The following PLCG1 variants were observed in gnomAD, a reference collection of about 807,000 sequenced individuals.
PLCG1 encodes the protein phospholipase C gamma 1.
In PLCG1, 71 loss-of-function variants were observed where a neutral mutation model predicts 177.8. That is an observed-to-expected ratio of 0.40 (90% CI 0.33 to 0.49). The LOEUF (loss-of-function observed/expected upper bound fraction) is 0.49, where lower values mean the gene tolerates loss of function less well. Ranked by LOEUF, PLCG1 falls within the 20% of genes least tolerant of loss-of-function variation. The pLI is 0.72. For missense variants in PLCG1, 1,281 were observed against 1,709.0 expected (o/e 0.75, Z 4.42); for synonymous variants, 658 against 647.9 (o/e 1.02, Z -0.24).
At chr20:41,161,345 C>G (rs781296422) in intron 4 of PLCG1, among the ~76,000 whole-genome samples, 1 of 152,176 alleles carries the variant, frequency 6.6e-6, no homozygotes, top group Non-Finnish European at 1.5e-5. Flanking sequence ...AGCAAGATGA[C>G]TCTTGCAAGG....
chr20:41,153,290 T>G lies in PLCG1; in HGVS notation c.218-6316T>G, dbSNP rs2035220592. 6.6e-6 allele frequency among the ~76,000 whole-genome samples: 1 copy of G among 152,174 alleles called. No homozygotes were observed. The highest frequency in any genetic ancestry group is 2.4e-5 in the African/African-American group (1 of 41,438). ...GGGTTTTGTGTTTTTGTTTTGTGTT[T>G]TTAGAGAAAGGATCTCGCTTTGTTG... On this transcript the variant is annotated intron_variant, in intron 1 of 31. Coordinates refer to ENST00000685551, the MANE Select transcript of PLCG1 (RefSeq NM_002660.3). This position sits in a 1 kb window ranked among gnomAD's most constrained non-coding sequence, Gnocchi z 5.1.
In PLCG1 at chr20:41,165,107, G is replaced by C. The variant is rs6016521; in HGVS notation, c.1386+6G>C. On this transcript the variant is annotated splice_donor_region_variant and intron_variant, in intron 13 of 31. Transcript: ENST00000685551. The surrounding 1 kb of genome is among the most constrained non-coding windows in gnomAD (Gnocchi z 6.6). ...AGAGGAAGATCCTCATCAAGGTGGG[G>C]TGGCGGGCTTATTGCGGAAGCCCCA... is the stretch of plus-strand genomic sequence containing the variant. 2,357 of 1,610,874 alleles carry C rather than the reference G, an allele frequency of 1.5e-3. 24 individuals carry two copies. In the African/African-American group the frequency reaches 0.028, roughly 19 times the overall value.
rs774606137 is a variant in PLCG1 at position 41,170,334 on chromosome 20, G to A, written c.2808+65G>A. On this transcript the variant is annotated intron_variant, in intron 24 of 31. Transcript: ENST00000685551. ...GCCCGTCAGGCAGCTGAGGCCTCCA[G>A]CTCCCAGCACAGGCCCCCTCAGAGC... is the stretch of plus-strand genomic sequence containing the variant. 3 of 1,578,896 alleles carry A rather than the reference G, an allele frequency of 1.9e-6. No individual in the cohort carries two copies. In the African/African-American group the frequency reaches 4.0e-5, roughly 21 times the overall value.
chr20:41,166,528 G>A lies in PLCG1; in HGVS notation c.2053G>A (p.Val685Ile), dbSNP rs369565813. Residue 685 changes from valine to isoleucine, a missense_variant, in exon 18 of 32, where the codon GTC becomes ATC. Physicochemically the swap from Val to Ile is conservative, Grantham distance 29. Transcript: ENST00000685551. The surrounding 1 kb of genome is among the most constrained non-coding windows in gnomAD (Gnocchi z 8.6). ...RAQAEHMLMR[V>I]PRDGAFLVRK... ...ACAGGCTGAGCACATGCTAATGCGC[G>A]TCCCTCGTGATGGGGCCTTCCTGGT... 15 of 1,614,052 alleles carry A rather than the reference G, an allele frequency of 9.3e-6. No homozygotes were observed. The highest frequency in any genetic ancestry group is 4.0e-5 in the African/African-American group (3 of 74,942).
At chr20:41,170,457 T>G in intron 24 of PLCG1, 188 bp downstream of exon 24, 2 of 614,530 alleles carry the variant, frequency 3.3e-6, no homozygotes, top group Non-Finnish European at 5.7e-6. Flanking sequence ...GTGGTGTGTT[T>G]AGGTTGTGTT....
Position 41,162,724 on chromosome 20 carries a change from C to T in PLCG1, c.680C>T (p.Thr227Met), listed in dbSNP as rs141297485. 1.9e-5 allele frequency: 30 copies of T among 1,610,392 alleles called. No individual in the cohort carries two copies. The highest frequency in any genetic ancestry group is 4.4e-5 in the South Asian group (4 of 90,658). ...YRSLMYSAQK[T>M]MDLPFLEAST... ...AGCCTCATGTACAGCGCCCAGAAGA[C>T]GGTGCATGAGCCACCTGCCCTCCCT... The change falls in exon 6 of 32, where the codon ACG becomes ATG. Residue 227 changes from threonine to methionine, a missense_variant and splice_region_variant. Thr to Met is a moderately conservative substitution (Grantham distance 81, BLOSUM62 -1). This residue lies in a region of PLCG1 where 374 missense variants were observed against 443.8 expected (regional missense o/e 0.84). Transcript: ENST00000685551.
At position 41,172,968 on chromosome 20, in the gene PLCG1, T is replaced by G; in HGVS notation, c.3279+91T>G. The G allele has an allele frequency of 2.1e-6, 3 of 1,405,664 alleles. No individual in the cohort carries two copies. Among genetic ancestry groups the G allele is most frequent in the Non-Finnish European group, 2.9e-6 (3 of 1,034,060 alleles). The allele number at this position is 1,405,664 out of a possible 1,614,324, so 87.1% of individuals were successfully genotyped here. On this transcript the variant is annotated intron_variant, in intron 27 of 31. Transcript: ENST00000685551. This position sits in a 1 kb window ranked among gnomAD's most constrained non-coding sequence, Gnocchi z 7.0. ...TTGAGTTCTCCAAAAGTAGGTATTT[T>G]CAGGCATCAAGGTGGTCAGGGTGGG... is the stretch of plus-strand genomic sequence containing the variant.
chr20:41,166,288 C>T lies in PLCG1; in HGVS notation c.1894C>T (p.Leu632Phe), dbSNP rs1399017059. The change falls in exon 17 of 32, where the codon CTC becomes TTC. Residue 632 changes from leucine (L) to phenylalanine (F), a missense_variant. Physicochemically the swap from Leu to Phe is conservative, Grantham distance 22 (BLOSUM62 0). This residue lies in a region of PLCG1 where 723 missense variants were observed against 1,030.0 expected (regional missense o/e 0.70). Coordinates refer to ENST00000685551, the MANE Select transcript of PLCG1 (RefSeq NM_002660.3). This position sits in a 1 kb window ranked among gnomAD's most constrained non-coding sequence, Gnocchi z 8.6. ...FLTDNLVFDS[L>F]YDLITHYQQV... The stretch of plus-strand genomic sequence containing the variant: ...GACAGACAACCTCGTCTTTGACTCC[C>T]TCTATGACCTCATCACGCACTACCA... The T allele has an allele frequency of 1.2e-6, 2 of 1,614,220 alleles. No individual in the cohort carries two copies. The highest frequency in any genetic ancestry group is 1.7e-6 in the Non-Finnish European group (2 of 1,180,040).
intron 1 of PLCG1, among the ~76,000 whole-genome samples, chr20:41,141,515 G>T (rs1260640837): frequency 6.6e-6 from 1 of 152,236 alleles, no homozygotes; most frequent in South Asian, 2.1e-4. Context: ...GGCCTGCTCC[G>T]AGGGCTAGGC....
Position 41,160,009 on chromosome 20 carries a change from CA to C in PLCG1, c.464+47del, listed in dbSNP as rs746979576. The C allele has an allele frequency of 6.3e-7, 1 of 1,596,914 alleles. No individual in the cohort carries two copies. Among genetic ancestry groups the C allele is most frequent in the South Asian group, 1.1e-5 (1 of 90,740 alleles). On this transcript the variant is annotated intron_variant, in intron 3 of 31. Transcript: ENST00000685551. This position sits in a 1 kb window ranked among gnomAD's most constrained non-coding sequence, Gnocchi z 5.5. ...GGTTAGGGCTGGGAGCATTAGGGAC[CA>C]GGGGGACAGGGACAGCAGACCTTTG...
intron 4 of PLCG1, 118 bp from the exon 5 acceptor site, chr20:41,162,326 TGCCCTCAG>T: frequency 3.2e-6 from 2 of 627,972 alleles, no homozygotes; most frequent in Non-Finnish European, 2.9e-6. Context: ...GATCCAGTCT[TGCCCTCAG>T]GCCTCCAGGT....
rs2036054411 is a variant in PLCG1 at position 41,175,955 on chromosome 20, G to A, written c.*1446G>A. On this transcript the variant is annotated 3_prime_UTR_variant, in exon 32 of 32. Transcript: ENST00000685551. ...GTCTGAGCAGAGTACATCCTGCCTG[G>A]GTTCTTTGTGGCCAGCCAGTTTTGG... 6.6e-6 allele frequency: 1 copy of A among 152,194 alleles called. No homozygotes were observed. Among genetic ancestry groups the A allele is most frequent in the Non-Finnish European group, 1.5e-5 (1 of 68,042 alleles). The allele number at this position is 152,194 out of a possible 1,614,324, so 9.4% of individuals were successfully genotyped here.
chr20:41,171,837 G>A (rs372831911), intron 24 of PLCG1, among the ~76,000 whole-genome samples: 2 of 152,168 alleles, frequency 1.3e-5, no homozygotes, highest in South Asian at 2.1e-4. Context: ...ACCCCAGCAT[G>A]AGGCTGGGTA....
At position 41,176,137 on chromosome 20, in the gene PLCG1, G is replaced by C. The variant is rs1208663963; in HGVS notation, c.*1628G>C. 1 of 152,186 alleles carries C rather than the reference G, an allele frequency of 6.6e-6. No individual in the cohort carries two copies. The highest frequency in any genetic ancestry group is 1.5e-5 in the Non-Finnish European group (1 of 68,034). The allele number at this position is 152,186 out of a possible 1,614,324, so 9.4% of individuals were successfully genotyped here. A position where few individuals can be genotyped will look rare whatever the true frequency, so the allele number is the denominator to read the frequency against. On this transcript the variant is annotated 3_prime_UTR_variant, in exon 32 of 32. Coordinates refer to ENST00000685551, the MANE Select transcript of PLCG1 (RefSeq NM_002660.3). ...CTGGGCCCTTTCAACACAGTTGAAA[G>C]GCCCTTCTCTTCCTGAAGCTCTGTT...
chr20:41,140,018 C>T (rs769908468), intron 1 of PLCG1, among the ~76,000 whole-genome samples: 2 of 152,058 alleles, frequency 1.3e-5, no homozygotes, highest in African/African-American at 2.4e-5. Flanking sequence ...AAGAGGGGTG[C>T]AGAGAGGGGA....
In PLCG1 at chr20:41,165,600, C is replaced by T. The variant is rs749097555; in HGVS notation, c.1612-39C>T. The stretch of plus-strand genomic sequence containing the variant: ...GGGCTGGGCCAGGTCAGGCCTGGGC[C>T]AGGGTCACAGTATCTTTGCTGTTGC... On this transcript the variant is annotated intron_variant, in intron 15 of 31. Transcript: ENST00000685551. This position sits in a 1 kb window ranked among gnomAD's most constrained non-coding sequence, Gnocchi z 6.6. 22 of 1,612,204 alleles carry T rather than the reference C, an allele frequency of 1.4e-5. No individual in the cohort carries two copies. Among genetic ancestry groups the T allele is most frequent in the East Asian group, 2.2e-5 (1 of 44,876 alleles).
chr20:41,164,192 T>G lies in PLCG1; in HGVS notation c.1208T>G (p.Val403Gly). 1 of 1,614,126 alleles carries G rather than the reference T, an allele frequency of 6.2e-7. No individual in the cohort carries two copies. Among genetic ancestry groups the G allele is most frequent in the Middle Eastern group, 1.6e-4 (1 of 6,062 alleles). The change falls in exon 12 of 32, where the codon GTG (valine) becomes GGG (glycine). Residue 403 changes from valine (V) to glycine (G), a missense_variant. This residue lies in a region of PLCG1 where 723 missense variants were observed against 1,030.0 expected (regional missense o/e 0.70). Transcript: ENST00000685551. The surrounding 1 kb of genome is among the most constrained non-coding windows in gnomAD (Gnocchi z 6.4). ...CACACCATCAAGGAGCATGCCTTTG[T>G]GGCCTCAGAGTGAGTCGGAGGCTGG... is the stretch of plus-strand genomic sequence containing the variant. ...VLHTIKEHAFVASEYPVILSI... is the reference protein window; with the variant it reads ...VLHTIKEHAFGASEYPVILSI...
chr20:41,168,249 C>T (rs1258729352), intron 20 of PLCG1, among the ~76,000 whole-genome samples: 1 of 152,180 alleles, frequency 6.6e-6, no homozygotes, highest in Non-Finnish European at 1.5e-5. Flanking sequence ...CCTCATGGAG[C>T]CCTGTTACAC....
rs1366659800 is a variant in PLCG1, at chr20:41,173,258, A to G, written c.3280-162A>G. On this transcript the variant is annotated intron_variant, in intron 27 of 31. Coordinates refer to ENST00000685551, the MANE Select transcript of PLCG1 (RefSeq NM_002660.3). The surrounding 1 kb of genome is among the most constrained non-coding windows in gnomAD (Gnocchi z 6.2). ...ACTACAGGCAGCAGCTGCTCTGGAC[A>G]GCTTAGGGTCCCTGATGTCGTGAGG... Among the ~76,000 whole-genome samples, 1 of 152,052 alleles carries G rather than the reference A, an allele frequency of 6.6e-6. No homozygotes were observed. Among genetic ancestry groups the G allele is most frequent in the East Asian group, 1.9e-4 (1 of 5,180 alleles).
Sources: gnomAD v4.1 joint callset for allele counts (sites outside exome capture counted in the v4.1 genomes callset) on GRCh38, gnomAD v4.1.1 for gene constraint, gnomAD v4.1.1 regional missense constraint, Gnocchi (gnomAD v3.1) non-coding constraint, MANE v1.5 for transcripts, NCBI Gene and HGNC (gene_info 2026-07-23, HGNC 2026-07-21) for gene names.